Variants in BCS1L observed in about 807,000 individuals in gnomAD.
BCS1L encodes the protein BCS1 ubiquinol-cytochrome c reductase complex chaperone.
BCS1L carries 38 observed loss-of-function variants against 49.3 expected under a neutral mutation model. That is an observed-to-expected ratio of 0.77 (90% CI 0.59 to 1.01). BCS1L has a LOEUF of 1.01. BCS1L is among the 50% of genes least tolerant of loss of function. BCS1L has a pLI of 0.00. For synonymous variants in BCS1L, 193 were observed against 210.1 expected (o/e 0.92, Z 0.70); for missense variants, 394 against 540.2 (o/e 0.73, Z 2.68).
In BCS1L at chr2:218,663,266, T is replaced by C. The variant is rs1481734088; in HGVS notation, c.1140T>C (p.Phe380=). The change falls in exon 8 of 8, where the codon TTT becomes TTC. Residue 380 remains phenylalanine, a synonymous_variant. Coordinates refer to ENST00000359273, the MANE Select transcript of BCS1L (RefSeq NM_001079866.2). Reference sequence around the variant, plus strand: ...AGGCACCTTCCTTAGCTGAGAACTTTGCAGAACATGTCCTTCGAGCTACAA... The same window carrying C: ...AGGCACCTTCCTTAGCTGAGAACTTCGCAGAACATGTCCTTCGAGCTACAA... ...PGQAPSLAEN[F]AEHVLRATNQ... 1.9e-6 allele frequency: 3 copies of C among 1,614,110 alleles called. No homozygotes were observed. Among genetic ancestry groups the C allele is most frequent in the Admixed American group, 1.7e-5 (1 of 60,010 alleles).
In BCS1L at chr2:218,661,653, T is replaced by C. The variant is rs1260403818; in HGVS notation, c.461-106T>C. ...GAATAAGCAGGCCGGGGTGAGCCCA[T>C]GGGAACAGGGGGCCAGAAGGAAGCT... On this transcript the variant is annotated intron_variant, in intron 3 of 7. Coordinates refer to ENST00000359273, the MANE Select transcript of BCS1L (RefSeq NM_001079866.2). The surrounding 1 kb of genome is among the most constrained non-coding windows in gnomAD (Gnocchi z 5.9). The C allele has an allele frequency of 3.2e-6, 5 of 1,580,466 alleles. No homozygotes were observed. The highest frequency in any genetic ancestry group is 1.3e-5 in the African/African-American group (1 of 74,118).
Position 218,661,020 on chromosome 2 carries a change from G to A in BCS1L, c.33G>A (p.Lys11=). 2 of 1,614,050 alleles carry A rather than the reference G, an allele frequency of 1.2e-6. No individual in the cohort carries two copies. Among genetic ancestry groups the A allele is most frequent in the Non-Finnish European group, 1.7e-6 (2 of 1,180,040 alleles). Residue 11 remains lysine, a synonymous_variant, in exon 2 of 8, where the codon AAG becomes AAA. Coordinates refer to ENST00000359273, the MANE Select transcript of BCS1L (RefSeq NM_001079866.2). The surrounding 1 kb of genome is among the most constrained non-coding windows in gnomAD (Gnocchi z 5.9). MPLSDFILAL[K]DNPYFGAGFG... is the part of the protein sequence containing the mutation. ...TTTCAGACTTTATTCTGGCTCTGAA[G>A]GACAATCCCTACTTTGGGGCTGGAT... is the stretch of plus-strand genomic sequence containing the variant.
Position 218,660,978 on chromosome 2 carries a change from C to T in BCS1L, c.-10C>T, listed in dbSNP as rs750916745. The T allele has an allele frequency of 8.7e-6, 14 of 1,613,364 alleles. No individual in the cohort carries two copies. The South Asian group carries it at 1.5e-4, about 18-fold the overall frequency. On this transcript the variant is annotated 5_prime_UTR_variant, in exon 2 of 8. Coordinates refer to ENST00000359273, the MANE Select transcript of BCS1L (RefSeq NM_001079866.2). The stretch of plus-strand genomic sequence containing the variant: ...CCAGGGCCTGTAAGGTTTGGTGTTT[C>T]CCTTTCAAGATGCCACTTTCAGACT...
chr2:218,660,413 AAGCAGGAGG>A, intron 1 of BCS1L: 1 of 152,562 alleles, frequency 6.6e-6, no homozygotes, highest in Admixed American at 6.4e-5. Context: ...ATGTTCCGTG[AAGCAGGAGG>A]TGAAGACCTA....
At position 218,661,659 on chromosome 2, in the gene BCS1L, CA is replaced by C; in HGVS notation, c.461-99del. On this transcript the variant is annotated intron_variant, in intron 3 of 7. Transcript: ENST00000359273. The surrounding 1 kb of genome is among the most constrained non-coding windows in gnomAD (Gnocchi z 5.9). ...GCAGGCCGGGGTGAGCCCATGGGAA[CA>C]GGGGGCCAGAAGGAAGCTGTTTGGC... 6.3e-7 allele frequency: 1 copy of C among 1,579,012 alleles called. No individual in the cohort carries two copies.
Position 218,661,895 on chromosome 2 carries a change from CCGAATT to C in BCS1L, c.598_603del (p.Arg200_Ile201del), listed in dbSNP as rs1173665403. 2 of 1,614,172 alleles carry C rather than the reference CCGAATT, an allele frequency of 1.2e-6. No individual in the cohort carries two copies. The highest frequency in any genetic ancestry group is 1.7e-6 in the Non-Finnish European group (2 of 1,180,036). ...TGGTTCTACAACAGGGTCTGGCTGACCGAATTGTCAGAGACGTCCAGGAATTCATCG... is the reference window on the plus strand; with the variant it reads ...TGGTTCTACAACAGGGTCTGGCTGACGTCAGAGACGTCCAGGAATTCATCG... On this transcript the variant is annotated inframe_deletion, in exon 4 of 8. Transcript: ENST00000359273. The surrounding 1 kb of genome is among the most constrained non-coding windows in gnomAD (Gnocchi z 5.9).
Position 218,663,417 on chromosome 2 carries a change from C to G in BCS1L, c.*31C>G. The G allele has an allele frequency of 6.2e-7, 1 of 1,613,232 alleles. No individual in the cohort carries two copies. The highest frequency in any genetic ancestry group is 8.5e-7 in the Non-Finnish European group (1 of 1,179,934). On this transcript the variant is annotated 3_prime_UTR_variant, in exon 8 of 8. Transcript: ENST00000359273. The stretch of plus-strand genomic sequence containing the variant: ...CTGGGCTCAGCTCAGCTCTCCTCCT[C>G]TAGCTCAATAAACATCTGCCACACT...
At position 218,662,007 on chromosome 2, in the gene BCS1L, C is replaced by T; in HGVS notation, c.655+54C>T. The T allele has an allele frequency of 2.5e-6, 4 of 1,585,006 alleles. No individual in the cohort carries two copies. The South Asian group carries it at 4.5e-5, about 18-fold the overall frequency. ...CTGTTTTTGACATTTTTAGAAGGGA[C>T]AGGTTGGTCTCCAGCCAGATGGGGT... On this transcript the variant is annotated intron_variant, in intron 4 of 7. Transcript: ENST00000359273. This position sits in a 1 kb window ranked among gnomAD's most constrained non-coding sequence, Gnocchi z 5.8.
At chr2:218,660,613 A>G in intron 1 of BCS1L, 1 of 246,034 alleles carries the variant, frequency 4.1e-6, no homozygotes. Context: ...GACTGCAGCC[A>G]ATGGACCCCT....
chr2:218,660,327 A>T (rs1575102317), intron 1 of BCS1L: 1 of 153,482 alleles, frequency 6.5e-6, no homozygotes, highest in South Asian at 2.0e-4. Flanking sequence ...GGAGCCAGCC[A>T]TTGAAGGTGC....
At position 218,661,639 on chromosome 2, in the gene BCS1L, C is replaced by T; in HGVS notation, c.460+94C>T. On this transcript the variant is annotated intron_variant, in intron 3 of 7. Transcript: ENST00000359273. This position sits in a 1 kb window ranked among gnomAD's most constrained non-coding sequence, Gnocchi z 5.9. ...AGTTTGGAGAAGTGGAATAAGCAGG[C>T]CGGGGTGAGCCCATGGGAACAGGGG... The T allele has an allele frequency of 1.9e-6, 3 of 1,583,026 alleles. No homozygotes were observed. Among genetic ancestry groups the T allele is most frequent in the Non-Finnish European group, 2.6e-6 (3 of 1,164,186 alleles).
At chr2:218,658,887 G>C (rs550223958), upstream of BCS1L, 5 of 152,464 alleles carry the variant, frequency 3.3e-5, no homozygotes, top group South Asian at 6.2e-4. Context: ...CTGAGGAAGA[G>C]AAAGGACAGA....
At position 218,663,134 on chromosome 2, in the gene BCS1L, G is replaced by A. The variant is rs1314813758; in HGVS notation, c.1008G>A (p.Arg336=). Residue 336 remains arginine, a splice_region_variant and synonymous_variant, in exon 8 of 8, where the codon AGG becomes AGA. Coordinates refer to ENST00000359273, the MANE Select transcript of BCS1L (RefSeq NM_001079866.2). ...IVFMTTNHVD[R]LDPALIRPGR... ...ACCTGCTTTCCCTGTCTTCTCTCAG[G>A]CTGGACCCTGCCCTGATACGCCCGG... The A allele has an allele frequency of 6.2e-7, 1 of 1,614,060 alleles. No individual in the cohort carries two copies. The highest frequency in any genetic ancestry group is 2.2e-5 in the East Asian group (1 of 44,888).
Position 218,662,813 on chromosome 2 carries a change from C to T in BCS1L, c.890-70C>T, listed in dbSNP as rs1939625344. 1.6e-5 allele frequency: 26 copies of T among 1,578,564 alleles called. No individual in the cohort carries two copies. Among genetic ancestry groups the T allele is most frequent in the Non-Finnish European group, 2.3e-5 (26 of 1,148,200 alleles). Reference sequence around the variant, plus strand: ...CAAGACACATGGATAAGTAGGGGAACATAGTGGGGCATGCTAATTTTATGC... The same window carrying T: ...CAAGACACATGGATAAGTAGGGGAATATAGTGGGGCATGCTAATTTTATGC... On this transcript the variant is annotated intron_variant, in intron 6 of 7. Coordinates refer to ENST00000359273, the MANE Select transcript of BCS1L (RefSeq NM_001079866.2). This position sits in a 1 kb window ranked among gnomAD's most constrained non-coding sequence, Gnocchi z 5.8.
In BCS1L at chr2:218,660,928, C is replaced by T; in HGVS notation, c.-49-11C>T. On this transcript the variant is annotated splice_polypyrimidine_tract_variant and intron_variant, in intron 1 of 7. Transcript: ENST00000359273. Reference sequence around the variant, plus strand: ...GTGCTTTGTCCCATCTCCACTGTTCCCCACCCCTAGGTTTTCGTAACACCC... The same window carrying T: ...GTGCTTTGTCCCATCTCCACTGTTCTCCACCCCTAGGTTTTCGTAACACCC... The T allele has an allele frequency of 6.3e-7, 1 of 1,585,748 alleles. No homozygotes were observed. Among genetic ancestry groups the T allele is most frequent in the Non-Finnish European group, 8.6e-7 (1 of 1,159,222 alleles).
chr2:218,660,405 GT>G, intron 1 of BCS1L: 1 of 153,708 alleles, frequency 6.5e-6, no homozygotes, highest in South Asian at 2.0e-4. Flanking sequence ...TTGTGTAGAT[GT>G]TCCGTGAAGC....
Position 218,662,598 on chromosome 2 carries a change from C to T in BCS1L, c.808C>T (p.Leu270=), listed in dbSNP as rs1032203654. 3.7e-6 allele frequency: 6 copies of T among 1,614,100 alleles called. No individual in the cohort carries two copies. Among genetic ancestry groups the T allele is most frequent in the African/African-American group, 1.3e-5 (1 of 74,938 alleles). Residue 270 remains leucine (L), a synonymous_variant, in exon 6 of 8, where the codon CTG becomes TTG. Transcript: ENST00000359273. This position sits in a 1 kb window ranked among gnomAD's most constrained non-coding sequence, Gnocchi z 5.8. ...SLSDDRLNHL[L]SVAPQQSLVL... is the part of the protein sequence containing the mutation. ...CTCTGATGACCGACTCAACCACCTG[C>T]TGAGCGTGGCCCCGCAGCAGAGCCT... is the stretch of plus-strand genomic sequence containing the variant.
chr2:218,661,901 T>C lies in BCS1L; in HGVS notation c.603T>C (p.Ile201=), dbSNP rs765412888. 1 of 1,614,152 alleles carries C rather than the reference T, an allele frequency of 6.2e-7. No homozygotes were observed. The highest frequency in any genetic ancestry group is 1.7e-5 in the Admixed American group (1 of 60,022). ...VVLQQGLADR[I]VRDVQEFIDN... The stretch of plus-strand genomic sequence containing the variant: ...TACAACAGGGTCTGGCTGACCGAAT[T>C]GTCAGAGACGTCCAGGAATTCATCG... The change falls in exon 4 of 8, where the codon ATT becomes ATC. Residue 201 remains isoleucine, a synonymous_variant. Coordinates refer to ENST00000359273, the MANE Select transcript of BCS1L (RefSeq NM_001079866.2). The surrounding 1 kb of genome is among the most constrained non-coding windows in gnomAD (Gnocchi z 5.9).
rs778870782 is a variant in BCS1L, at chr2:218,663,049, C to T, written c.1007+49C>T. On this transcript the variant is annotated intron_variant, in intron 7 of 7. Coordinates refer to ENST00000359273, the MANE Select transcript of BCS1L (RefSeq NM_001079866.2). The stretch of plus-strand genomic sequence containing the variant: ...AGACTTAGGCAAGAGCCCACCTCCT[C>T]CCCTAGTGCCTTGGGAGGAACAGGA... 14 of 1,613,932 alleles carry T rather than the reference C, an allele frequency of 8.7e-6. No homozygotes were observed. In the South Asian group the frequency reaches 1.4e-4, roughly 16 times the overall value.
Sources: allele counts gnomAD v4.1 joint callset, GRCh38; gene constraint gnomAD v4.1.1; non-coding constraint Gnocchi (gnomAD v3.1); transcripts MANE v1.5; gene names NCBI Gene and HGNC (gene_info 2026-07-23, HGNC 2026-07-21).